The following LMF1 variants were observed in gnomAD, a reference collection of about 807,000 sequenced individuals.
LMF1 encodes lipase maturation factor 1, also known as transmembrane protein 112.
In LMF1, 68 loss-of-function variants were observed where a neutral mutation model predicts 60.6. The observed-to-expected ratio is 1.12, with a 90% CI of 0.92 to 1.37. The LOEUF (loss-of-function observed/expected upper bound fraction) is 1.37. Ranked by LOEUF, LMF1 falls within the 40% of genes most tolerant of loss-of-function variation. The pLI is 0.00. For synonymous variants in LMF1, 418 were observed against 324.7 expected, an observed-to-expected ratio of 1.29 and a Z score of -3.09; for missense variants, 948 against 767.2, an observed-to-expected ratio of 1.24 and a Z score of -2.78.
At position 854,316 on chromosome 16, in the gene LMF1, T is replaced by A. The variant is rs1458438683; in HGVS notation, c.*216A>T. 1 of 693,800 alleles carries A rather than the reference T, an allele frequency of 1.4e-6. No homozygotes were observed. The highest frequency in any genetic ancestry group is 1.8e-5 in the African/African-American group (1 of 57,086). 43.0% of individuals were successfully genotyped at this position (693,800 alleles called of 1,614,324 possible). A position where few individuals can be genotyped will look rare whatever the true frequency, so the allele number is the denominator to read the frequency against. Reference sequence around the variant, plus strand: ...AGCCCCTGGCGCCTGGGACAAGGGTTGGCCTGGATGTGGGGCCCCAGGTGG... The same window carrying A: ...AGCCCCTGGCGCCTGGGACAAGGGTAGGCCTGGATGTGGGGCCCCAGGTGG... On this transcript the variant is annotated 3_prime_UTR_variant, in exon 11 of 11. Transcript: ENST00000262301.
intron 3 of LMF1, chr16:933,246 G>A (rs1011264426): frequency 2.0e-5 from 3 of 152,262 alleles, no homozygotes; most frequent in African/African-American, 7.2e-5. Flanking sequence ...ACAGGAACCT[G>A]CCTTTCAAGG....
At chr16:877,158 C>A (rs2070015903) in intron 6 of LMF1, among the ~76,000 whole-genome samples, 1 of 152,130 alleles carries the variant, frequency 6.6e-6, no homozygotes, top group Admixed American at 6.5e-5. Context: ...TAGCGAGACC[C>A]CCAGCTCTAC....
In LMF1 at chr16:897,920, C is replaced by T. The variant is rs775573355; in HGVS notation, c.664-4848G>A. On this transcript the variant is annotated intron_variant, in intron 4 of 10. Transcript: ENST00000262301. The surrounding 1 kb of genome is among the most constrained non-coding windows in gnomAD (Gnocchi z 4.3). ...CTCCGCCCCCGAGTGCTTCAGCTCA[C>T]GCAGACTTCCTTGTGGCACAGCTGC... is the stretch of plus-strand genomic sequence containing the variant. Among the ~76,000 whole-genome samples the T allele has an allele frequency of 1.9e-4, 29 of 152,252 alleles. No individual in the cohort carries two copies. The highest frequency in any genetic ancestry group is 1.2e-3 in the Admixed American group (18 of 15,290).
intron 4 of LMF1, among the ~76,000 whole-genome samples, chr16:895,146 C>CG (rs1275260165): frequency 2.6e-5 from 4 of 152,148 alleles, no homozygotes. Flanking sequence ...CTCCAGACGG[C>CG]GGGGGGTGCG....
In LMF1 at chr16:853,998, C is replaced by T; in HGVS notation, c.*534G>A. 1 of 454,122 alleles carries T rather than the reference C, an allele frequency of 2.2e-6. No homozygotes were observed. The highest frequency in any genetic ancestry group is 1.6e-5 in the South Asian group (1 of 64,458). The allele number at this position is 454,122 out of a possible 1,614,324, so 28.1% of individuals were successfully genotyped here. On this transcript the variant is annotated 3_prime_UTR_variant, in exon 11 of 11. Coordinates refer to ENST00000262301, the MANE Select transcript of LMF1 (RefSeq NM_022773.4). ...AGGGATAGGACAGAAAATGGCCCAT[C>T]CAACCCCACATCCTGGCCGGGCGTG...
At chr16:929,058 C>A (rs756323187) in intron 3 of LMF1, among the ~76,000 whole-genome samples, 13 of 152,140 alleles carry the variant, frequency 8.5e-5, no homozygotes, top group Non-Finnish European at 1.8e-4. Context: ...TTCCAGAACC[C>A]CTCACCACGA....
rs1443550992 is a variant in LMF1 at position 962,816 on chromosome 16, A to AT, written c.193+7971dup. Among the ~76,000 whole-genome samples the AT allele has an allele frequency of 6.6e-6, 1 of 152,150 alleles. No individual in the cohort carries two copies. The highest frequency in any genetic ancestry group is 1.5e-5 in the Non-Finnish European group (1 of 68,018). On this transcript the variant is annotated intron_variant, in intron 1 of 10. Coordinates refer to ENST00000262301, the MANE Select transcript of LMF1 (RefSeq NM_022773.4). The surrounding 1 kb of genome is among the most constrained non-coding windows in gnomAD (Gnocchi z 4.5). Reference sequence around the variant, plus strand: ...GTCTGCAGTTTCAGTTAATAGTTTTATTTTTAATAAAAAAATTTTAAAAAG... The same window carrying AT: ...GTCTGCAGTTTCAGTTAATAGTTTTATTTTTTAATAAAAAAATTTTAAAAAG...
At position 954,614 on chromosome 16, in the gene LMF1, CCT is replaced by C. The variant is rs759547196; in HGVS notation, c.244_245del (p.Arg82GlyfsTer81). 2.4e-5 allele frequency: 39 copies of C among 1,609,640 alleles called. No individual in the cohort carries two copies. In the South Asian group the frequency reaches 3.2e-4, roughly 13 times the overall value. On this transcript the variant is annotated frameshift_variant, in exon 2 of 11. Coordinates refer to ENST00000262301, the MANE Select transcript of LMF1 (RefSeq NM_022773.4). LOFTEE classifies it high-confidence loss of function. ...FHQNKQLIGD[R>X]GLLPCRVFLK... ...GGAACACTCTGCAGGGAAGCAGCCC[CCT>C]GTCACCGATGAGCTGCTTGTTCTGA... is the stretch of plus-strand genomic sequence containing the variant.
rs2070051661 is a variant in LMF1, at chr16:878,247, G to C, written c.897+1323C>G. ...TGGCTGGGGGACGATCTGTGAGCAA[G>C]TCCGTTCTTCCCACTTAGATTCACG... On this transcript the variant is annotated intron_variant, in intron 6 of 10. Transcript: ENST00000262301. The surrounding 1 kb of genome is among the most constrained non-coding windows in gnomAD (Gnocchi z 5.2). Among the ~76,000 whole-genome samples, 1 of 152,148 alleles carries C rather than the reference G, an allele frequency of 6.6e-6. No individual in the cohort carries two copies.
intron 3 of LMF1, among the ~76,000 whole-genome samples, chr16:918,986 G>C (rs1034570376): frequency 1.3e-5 from 2 of 152,168 alleles, no homozygotes; most frequent in African/African-American, 4.8e-5. Context: ...CTCGGCACCT[G>C]CTCCTCCCAC....
Position 854,555 on chromosome 16 carries a change from AC to A in LMF1, c.1680del (p.Trp561GlyfsTer111). ...EELRPYFRDR[G>X]WPLPGPL ...GTCTAGAGGGGCCCGGGCAGAGGCCACCCACGGTCCCTGAAGTAGGGCCTCA... is the reference window on the plus strand; with the variant it reads ...GTCTAGAGGGGCCCGGGCAGAGGCCACCACGGTCCCTGAAGTAGGGCCTCA... On this transcript the variant is annotated frameshift_variant, in exon 11 of 11. Transcript: ENST00000262301. LOFTEE classifies it low-confidence loss of function (END_TRUNC). The A allele has an allele frequency of 6.2e-7, 1 of 1,608,522 alleles. No homozygotes were observed. Among genetic ancestry groups the A allele is most frequent in the East Asian group, 2.2e-5 (1 of 44,766 alleles).
chr16:861,095 C>T (rs888726452), intron 10 of LMF1, among the ~76,000 whole-genome samples: 1 of 152,092 alleles, frequency 6.6e-6, no homozygotes, highest in African/African-American at 2.4e-5. Flanking sequence ...TTGTATCTTC[C>T]AACCCACGAA....
At chr16:866,681 C>T (rs996879066) in intron 10 of LMF1, among the ~76,000 whole-genome samples, 11 of 152,126 alleles carry the variant, frequency 7.2e-5, no homozygotes, top group African/African-American at 2.7e-4. Context: ...TGGGTGGGGC[C>T]ATGGTTTTTT....
Position 870,829 on chromosome 16 carries a change from G to C in LMF1, c.1132C>G (p.Leu378Val). The C allele has an allele frequency of 1.2e-6, 2 of 1,612,302 alleles. No homozygotes were observed. Among genetic ancestry groups the C allele is most frequent in the Non-Finnish European group, 1.7e-6 (2 of 1,179,792 alleles). Residue 378 changes from leucine (L) to valine (V), a missense_variant, in exon 8 of 11, where the codon CTC becomes GTC. Transcript: ENST00000262301. ...AAGTTGAGGACCACGGGCACGCTGA[G>C]CCAGGCCAGCAGGACGCCCAGCGAG... is the stretch of plus-strand genomic sequence containing the variant. ...NVSLGVLLAW[L>V]SVPVVLNLLS...
chr16:915,172 G>A (rs569270150), intron 3 of LMF1, among the ~76,000 whole-genome samples: 1 of 152,372 alleles, frequency 6.6e-6, no homozygotes, highest in Non-Finnish European at 1.5e-5. Context: ...CCTCTGCAGA[G>A]CCAAGGGGCG....
intron 1 of LMF1, chr16:979,753 C>A (rs1218147110): frequency 2.2e-6 from 1 of 454,018 alleles, no homozygotes; most frequent in Non-Finnish European, 4.4e-6. Flanking sequence ...CCCGAGTGGG[C>A]GATGTCTGCT....
intron 9 of LMF1, 83 bp downstream of exon 9, chr16:869,800 G>T: frequency 7.1e-7 from 1 of 1,403,986 alleles, no homozygotes; most frequent in Non-Finnish European, 9.7e-7. Context: ...CCCTTCAGTG[G>T]GCGTTCTAGA....
In LMF1 at chr16:868,851, G is replaced by A; in HGVS notation, c.1529+93C>T. 6 of 829,420 alleles carry A rather than the reference G, an allele frequency of 7.2e-6. 1 individual carries two copies. In the South Asian group the frequency reaches 8.6e-5, roughly 12 times the overall value. The allele number at this position is 829,420 out of a possible 1,614,324, so 51.4% of individuals were successfully genotyped here. A position where few individuals can be genotyped will look rare whatever the true frequency, so the allele number is the denominator to read the frequency against. ...GCGGGAGGGAAGGGGCGCTTCCCGT[G>A]AGCAGGTGGGGGTGCAGGTACAGGT... On this transcript the variant is annotated intron_variant, in intron 10 of 10. Transcript: ENST00000262301.
Position 953,492 on chromosome 16 carries a change from C to T in LMF1, c.503+865G>A, listed in dbSNP as rs1320576591. 4.7e-4 allele frequency among the ~76,000 whole-genome samples: 7 copies of T among 14,812 alleles called. 2 individuals carry two copies. Among genetic ancestry groups the T allele is most frequent in the Admixed American group, 6.9e-4 (1 of 1,456 alleles). The allele number at this position is 14,812 out of a possible 152,430, so 9.7% of individuals were successfully genotyped here. Reference sequence around the variant, plus strand: ...ACACAGACACCCACCCCAAACCAGCCTCCTGCACGTCCACACAGACACCCC... The same window carrying T: ...ACACAGACACCCACCCCAAACCAGCTTCCTGCACGTCCACACAGACACCCC... On this transcript the variant is annotated intron_variant, in intron 2 of 10. Transcript: ENST00000262301.
Sources: allele counts gnomAD v4.1 joint callset (sites outside exome capture counted in the v4.1 genomes callset), GRCh38; gene constraint gnomAD v4.1.1; non-coding constraint Gnocchi (gnomAD v3.1); transcripts MANE v1.5; gene names NCBI Gene and HGNC (gene_info 2026-07-23, HGNC 2026-07-21).